RALYL: variants seen among roughly 807,000 people sequenced by gnomAD.
The protein encoded by RALYL is RALY RNA binding protein like.
RALYL carries 29 observed loss-of-function variants against 35.1 expected under a neutral mutation model. That is an observed-to-expected ratio of 0.83 (90% confidence interval 0.61 to 1.13). The LOEUF is 1.13. RALYL is among the 50% of genes most tolerant of loss of function. The probability of loss-of-function intolerance (pLI) is 0.00; values close to 1 mark genes in which losing one functional copy is unlikely to be tolerated. For synonymous variants in RALYL, 120 were observed against 127.6 expected (o/e 0.94, Z 0.40); for missense variants, 359 against 360.4 (o/e 1.00, Z 0.03).
chr8:84,758,107 CTG>C (rs1270306092), intron 2 of RALYL, among the ~76,000 whole-genome samples: 1 of 152,058 alleles, frequency 6.6e-6, no homozygotes, highest in Non-Finnish European at 1.5e-5. Context: ...TTTCTCAACA[CTG>C]AGGTTTTATT....
At chr8:84,377,465 T>G (rs553889681) in intron 1 of RALYL, among the ~76,000 whole-genome samples, 52 of 149,038 alleles carry the variant, frequency 3.5e-4, no homozygotes, top group Middle Eastern at 3.4e-3. Context: ...TTTTTTTTTT[T>G]TTTTTTTTTT....
At chr8:84,737,563 T>G (rs1206827457) in intron 2 of RALYL, among the ~76,000 whole-genome samples, 1 of 152,064 alleles carries the variant, frequency 6.6e-6, no homozygotes, top group Admixed American at 6.6e-5. Context: ...TCAAGATAAT[T>G]AGCCTAACTT....
intron 1 of RALYL, among the ~76,000 whole-genome samples, chr8:84,200,482 G>A (rs1431716189): frequency 2.0e-5 from 3 of 152,114 alleles, no homozygotes; most frequent in Non-Finnish European, 4.4e-5. Context: ...AGTGTCCTAA[G>A]ACTAAATACA....
At chr8:84,467,600 T>TG (rs1232286138) in intron 1 of RALYL, among the ~76,000 whole-genome samples, 9 of 151,322 alleles carry the variant, frequency 5.9e-5, no homozygotes, top group African/African-American at 1.9e-4. Flanking sequence ...GGTGTGGTGC[T>TG]GAAAAAAATG....
intron 1 of RALYL, among the ~76,000 whole-genome samples, chr8:84,402,038 T>C (rs2042972553): frequency 6.6e-6 from 1 of 152,162 alleles, no homozygotes; most frequent in Non-Finnish European, 1.5e-5. Flanking sequence ...TATAATCTCT[T>C]GAACACAAGC....
At chr8:84,310,765 A>AAT (rs1554614652) in intron 1 of RALYL, among the ~76,000 whole-genome samples, 47 of 151,074 alleles carry the variant, frequency 3.1e-4, no homozygotes, top group African/African-American at 1.1e-3. Context: ...AATGTATATT[A>AAT]GGCCGGGTGC....
chr8:84,558,788 T>G (rs1472218410), intron 2 of RALYL, among the ~76,000 whole-genome samples: 4 of 152,140 alleles, frequency 2.6e-5, no homozygotes, highest in Non-Finnish European at 5.9e-5. Context: ...CAGTGAGGAT[T>G]GTCCTCTGTA....
chr8:84,617,695 T>G (rs1241686572), intron 2 of RALYL, among the ~76,000 whole-genome samples: 11 of 150,562 alleles, frequency 7.3e-5, no homozygotes, highest in African/African-American at 2.0e-4. Flanking sequence ...ATGCTTCCAG[T>G]TTTTGCCCAT....
At chr8:84,562,983 C>T (rs997679462) in intron 2 of RALYL, among the ~76,000 whole-genome samples, 1 of 151,828 alleles carries the variant, frequency 6.6e-6, no homozygotes, top group Non-Finnish European at 1.5e-5. Context: ...GCTTTCCTTG[C>T]AGAGAAATGT....
chr8:84,469,910 CGTCT>C (rs1390595613), intron 1 of RALYL, among the ~76,000 whole-genome samples: 1 of 152,152 alleles, frequency 6.6e-6, no homozygotes, highest in Non-Finnish European at 1.5e-5. Flanking sequence ...TTCCAGGTGC[CGTCT>C]GTCAGCCCTT....
intron 2 of RALYL, among the ~76,000 whole-genome samples, chr8:84,768,364 G>A (rs867837926): frequency 4.6e-5 from 7 of 152,092 alleles, no homozygotes; most frequent in Non-Finnish European, 7.4e-5. Flanking sequence ...GGGACTGCTC[G>A]TTCATTCGAA....
chr8:84,774,945 T>C (rs1816481777), intron 3 of RALYL, among the ~76,000 whole-genome samples: 2 of 152,036 alleles, frequency 1.3e-5, no homozygotes, highest in Admixed American at 1.3e-4. Context: ...TTGGTTAACT[T>C]TTTTTATTTT....
intron 1 of RALYL, among the ~76,000 whole-genome samples, chr8:84,354,997 T>G (rs1169255198): frequency 6.7e-6 from 1 of 150,374 alleles, no homozygotes; most frequent in Admixed American, 6.6e-5. Flanking sequence ...ATCACAAATA[T>G]ACAACCAGGA....
chr8:84,799,510 G>A (rs1822705889), intron 3 of RALYL, among the ~76,000 whole-genome samples: 1 of 152,204 alleles, frequency 6.6e-6, no homozygotes, highest in South Asian at 2.1e-4. Flanking sequence ...TGAGAGGCAA[G>A]TACAGAATCA....
intron 2 of RALYL, among the ~76,000 whole-genome samples, chr8:84,669,047 G>A (rs1299361193): frequency 6.6e-6 from 1 of 151,926 alleles, no homozygotes; most frequent in Non-Finnish European, 1.5e-5. Context: ...GGCCTATTAT[G>A]TTCATGTGTC....
At position 84,686,005 on chromosome 8, in the gene RALYL, G is replaced by A. The variant is rs554311909; in HGVS notation, c.257-88574G>A. 1.8e-4 allele frequency among the ~76,000 whole-genome samples: 27 copies of A among 152,294 alleles called. 1 individual carries two copies. In the South Asian group the frequency reaches 5.2e-3, roughly 29 times the overall value. Reference sequence around the variant, plus strand: ...GAGAGCTGGTGCATGTTTGTGGTATGTGTGGATTAGGGTACATTTTGTGTA... The same window carrying A: ...GAGAGCTGGTGCATGTTTGTGGTATATGTGGATTAGGGTACATTTTGTGTA... On this transcript the variant is annotated intron_variant, in intron 2 of 8. Coordinates refer to ENST00000521268, the MANE Select transcript of RALYL (RefSeq NM_173848.7).
At chr8:84,778,362 AC>A (rs1227586219) in intron 3 of RALYL, among the ~76,000 whole-genome samples, 2 of 152,146 alleles carry the variant, frequency 1.3e-5, no homozygotes, top group Non-Finnish European at 2.9e-5. Flanking sequence ...CAGCCAAACA[AC>A]CTTCAATAAG....
chr8:84,835,397 G>C (rs1458686007), intron 4 of RALYL, among the ~76,000 whole-genome samples: 2 of 151,678 alleles, frequency 1.3e-5, no homozygotes, highest in Non-Finnish European at 2.9e-5. Flanking sequence ...GCTGGGCACG[G>C]GGGCTCACGC....
At chr8:84,527,023 G>T (rs1281721866) in intron 1 of RALYL, among the ~76,000 whole-genome samples, 9 of 152,144 alleles carry the variant, frequency 5.9e-5, no homozygotes, top group Non-Finnish European at 1.3e-4. Context: ...AAAAGTTTAT[G>T]TAATAGAAAA....
Sources: allele counts gnomAD v4.1 joint callset (sites outside exome capture counted in the v4.1 genomes callset), GRCh38; gene constraint gnomAD v4.1.1; transcripts MANE v1.5; gene names NCBI Gene and HGNC (gene_info 2026-07-23, HGNC 2026-07-21).